The following CD47 variants were observed in gnomAD, a reference collection of about 807,000 sequenced individuals.
CD47 encodes the protein CD47 molecule, also known as leukocyte surface antigen CD47.
CD47 carries 11 observed loss-of-function variants against 44.6 expected under a neutral mutation model. The observed-to-expected ratio is 0.25, with a 90% confidence interval of 0.16 to 0.41. The LOEUF (loss-of-function observed/expected upper bound fraction) is 0.41, where lower values mean the gene tolerates loss of function less well. Among genes scored for constraint, CD47 ranks in the 10% least tolerant of loss-of-function variants. The pLI is 1.00. For synonymous variants in CD47, 140 were observed against 136.3 expected (o/e 1.03, Z -0.19); for missense variants, 306 against 386.7 (o/e 0.79, Z 1.75).
intron 2 of CD47, among the ~76,000 whole-genome samples, chr3:108,074,659 C>A (rs1228895395): frequency 7.9e-6 from 1 of 125,920 alleles, no homozygotes; most frequent in African/African-American, 3.1e-5. Flanking sequence ...GTCACTCTCC[C>A]TTCTCATTAT....
In CD47 at chr3:108,045,835, C is replaced by A. The variant is rs2078713315; in HGVS notation, c.*1453G>T. The A allele has an allele frequency of 6.6e-6, 1 of 152,040 alleles. No individual in the cohort carries two copies. Among genetic ancestry groups the A allele is most frequent in the South Asian group, 2.1e-4 (1 of 4,824 alleles). 9.4% of individuals were successfully genotyped at this position (152,040 alleles called of 1,614,324 possible). On this transcript the variant is annotated 3_prime_UTR_variant, in exon 11 of 11. Coordinates refer to ENST00000361309, the MANE Select transcript of CD47 (RefSeq NM_001777.4). ...AGCAGTCAAAAAGCGTGGCAAATTA[C>A]CTAGAAGTTTTAAAAGTTTTAAGTG...
intron 3 of CD47, among the ~76,000 whole-genome samples, chr3:108,063,773 T>C (rs1380963643): frequency 2.6e-5 from 4 of 152,204 alleles, no homozygotes; most frequent in Non-Finnish European, 5.9e-5. Flanking sequence ...ATCTATGTAA[T>C]TTTTAAAATC....
At chr3:108,081,923 T>C (rs2108268215) in intron 1 of CD47, among the ~76,000 whole-genome samples, 1 of 151,970 alleles carries the variant, frequency 6.6e-6, no homozygotes, top group East Asian at 1.9e-4. Flanking sequence ...ACAGCTCACC[T>C]CTTCCCAGTT....
Position 108,060,774 on chromosome 3 carries a change from AC to A in CD47, c.568del (p.Val190SerfsTer15). 6.2e-7 allele frequency: 1 copy of A among 1,613,434 alleles called. No individual in the cohort carries two copies. The highest frequency in any genetic ancestry group is 8.5e-7 in the Non-Finnish European group (1 of 1,179,374). On this transcript the variant is annotated frameshift_variant, in exon 4 of 11. Coordinates refer to ENST00000361309, the MANE Select transcript of CD47 (RefSeq NM_001777.4). LOFTEE classifies it high-confidence loss of function. Reference protein sequence around the residue: ...LVAGLVITVIVIVGAILFVPG... With the variant: ...LVAGLVITVIXIVGAILFVPG... ...GACGAAAAGAATGGCTCCAACAATGACAATGACAGTGATCACTAGTCCAGCA... is the reference window on the plus strand; with the variant it reads ...GACGAAAAGAATGGCTCCAACAATGAAATGACAGTGATCACTAGTCCAGCA...
chr3:108,058,526 C>CCAAAGA (rs2078956835), intron 5 of CD47, 97 bp from the exon 6 acceptor site: 1 of 715,340 alleles, frequency 1.4e-6, no homozygotes, highest in Non-Finnish European at 2.3e-6. Flanking sequence ...TCTCCTAAGA[C>CCAAAGA]CAAAGACTGA....
intron 7 of CD47, 59 bp from the exon 8 acceptor site, chr3:108,052,029 G>T: frequency 1.2e-6 from 1 of 819,612 alleles, no homozygotes; most frequent in South Asian, 1.6e-5. Context: ...TAAGGCATTT[G>T]GTAATGTTTA....
intron 10 of CD47, 62 bp downstream of exon 10, chr3:108,049,557 T>G: frequency 9.5e-7 from 1 of 1,054,296 alleles, no homozygotes; most frequent in Non-Finnish European, 1.5e-6. Flanking sequence ...CAAGAAGCTT[T>G]TTTGTTTTCC....
rs869104856 is a variant in CD47, at chr3:108,044,448, CAAAAA to C, written c.*2835_*2839del. The C allele has an allele frequency of 6.6e-5, 4 of 60,248 alleles. No homozygotes were observed. The highest frequency in any genetic ancestry group is 3.9e-4 in the East Asian group (1 of 2,596). 3.7% of individuals were successfully genotyped at this position (60,248 alleles called of 1,614,324 possible). A position where few individuals can be genotyped will look rare whatever the true frequency, so the allele number is the denominator to read the frequency against. ...AAAAAAAAAAAAAAAAAAAAAAAAACAAAAAAAAAAAACAGAAAGAAAGAAAACTC... is the reference window on the plus strand; with the variant it reads ...AAAAAAAAAAAAAAAAAAAAAAAAACAAAAAAACAGAAAGAAAGAAAACTC... On this transcript the variant is annotated 3_prime_UTR_variant, in exon 11 of 11. Coordinates refer to ENST00000361309, the MANE Select transcript of CD47 (RefSeq NM_001777.4).
chr3:108,088,887 C>A (rs1222150791), intron 1 of CD47, among the ~76,000 whole-genome samples: 1 of 152,208 alleles, frequency 6.6e-6, no homozygotes, highest in African/African-American at 2.4e-5. Context: ...GAGATAACTT[C>A]TTTTACCACA....
intron 3 of CD47, among the ~76,000 whole-genome samples, chr3:108,068,306 T>C (rs2079138583): frequency 6.6e-6 from 1 of 152,176 alleles, no homozygotes; most frequent in Non-Finnish European, 1.5e-5. Context: ...GGGATGCACA[T>C]ACATTCGTGT....
chr3:108,079,045 T>A (rs76195810), intron 2 of CD47, among the ~76,000 whole-genome samples: 113 of 152,176 alleles, frequency 7.4e-4, no homozygotes, highest in African/African-American at 2.6e-3. Context: ...AAACATTTCA[T>A]CAAACCAAAC....
At position 108,043,438 on chromosome 3, in the gene CD47, A is replaced by T. The variant is rs2078660780; in HGVS notation, c.*3850T>A. The T allele has an allele frequency of 6.6e-6, 1 of 152,422 alleles. No individual in the cohort carries two copies. The highest frequency in any genetic ancestry group is 2.4e-5 in the African/African-American group (1 of 41,430). 9.4% of individuals were successfully genotyped at this position (152,422 alleles called of 1,614,324 possible). ...AAACAGTGATAAATTGATTTAATAC[A>T]TATAAAAAAAAAAACCTTTAACGGT... On this transcript the variant is annotated 3_prime_UTR_variant, in exon 11 of 11. Coordinates refer to ENST00000361309, the MANE Select transcript of CD47 (RefSeq NM_001777.4).
chr3:108,079,631 C>T (rs973329375), intron 2 of CD47, among the ~76,000 whole-genome samples: 2 of 130,024 alleles, frequency 1.5e-5, no homozygotes, highest in Non-Finnish European at 3.2e-5. Flanking sequence ...TGGAAAGAGA[C>T]TTGAAAATTA....
chr3:108,048,969 C>T (rs2078771550), intron 10 of CD47, among the ~76,000 whole-genome samples: 1 of 152,072 alleles, frequency 6.6e-6, no homozygotes, highest in Non-Finnish European at 1.5e-5. Context: ...GCTTGTAGCA[C>T]TCAATATCTC....
At chr3:108,057,659 T>G in intron 6 of CD47, 90 bp from the exon 7 acceptor site, 2 of 702,332 alleles carry the variant, frequency 2.8e-6, no homozygotes, top group Non-Finnish European at 4.9e-6. Flanking sequence ...AGAGAGTTAT[T>G]CTAACGATCA....
chr3:108,076,072 A>G (rs1324985193), intron 2 of CD47, among the ~76,000 whole-genome samples: 2 of 152,224 alleles, frequency 1.3e-5, no homozygotes, highest in Non-Finnish European at 2.9e-5. Context: ...AACTCCAAAT[A>G]AAGTATGCCC....
chr3:108,058,882 G>C (rs567932144), intron 5 of CD47, among the ~76,000 whole-genome samples: 1 of 152,126 alleles, frequency 6.6e-6, no homozygotes, highest in Admixed American at 6.5e-5. Context: ...CCAGAGATAG[G>C]CTCTAAGACC....
chr3:108,076,411 A>T (rs2079312148), intron 2 of CD47, among the ~76,000 whole-genome samples: 1 of 152,206 alleles, frequency 6.6e-6, no homozygotes, highest in African/African-American at 2.4e-5. Flanking sequence ...AATAGAACAG[A>T]AATATTAATG....
In CD47 at chr3:108,045,811, G is replaced by A. The variant is rs1160207173; in HGVS notation, c.*1477C>T. 1.3e-5 allele frequency: 2 copies of A among 152,170 alleles called. No homozygotes were observed. The highest frequency in any genetic ancestry group is 3.8e-4 in the East Asian group (2 of 5,200). The allele number at this position is 152,170 out of a possible 1,614,324, so 9.4% of individuals were successfully genotyped here. ...ACGTATTTTTACAGGGTATTGGTGA[G>A]CAGTCAAAAAGCGTGGCAAATTACC... On this transcript the variant is annotated 3_prime_UTR_variant, in exon 11 of 11. Coordinates refer to ENST00000361309, the MANE Select transcript of CD47 (RefSeq NM_001777.4).
Sources: gnomAD v4.1 joint callset for allele counts (sites outside exome capture counted in the v4.1 genomes callset) on GRCh38, gnomAD v4.1.1 for gene constraint, MANE v1.5 for transcripts, NCBI Gene and HGNC (gene_info 2026-07-23, HGNC 2026-07-21) for gene names.